The following RGS7 variants were observed in gnomAD, a reference collection of about 807,000 sequenced individuals.
RGS7 encodes regulator of G-protein signaling 7.
A neutral mutation model predicts 81.1 loss-of-function variants in RGS7; 27 were observed. That is an observed-to-expected ratio of 0.33 (90% CI 0.25 to 0.46). The LOEUF (loss-of-function observed/expected upper bound fraction) is 0.46, where lower values mean the gene tolerates loss of function less well. Ranked by LOEUF, RGS7 falls within the 20% of genes least tolerant of loss-of-function variation. The pLI, the probability that RGS7 is intolerant of heterozygous loss-of-function variation, is 1.00. For synonymous variants in RGS7, 208 were observed against 207.7 expected, an observed-to-expected ratio of 1.00 and a Z score of -0.01; for missense variants, 396 against 607.4, an observed-to-expected ratio of 0.65 and a Z score of 3.66.
chr1:241,100,041 G>GT (rs2064601453), intron 2 of RGS7, among the ~76,000 whole-genome samples: 1 of 150,988 alleles, frequency 6.6e-6, no homozygotes, highest in Non-Finnish European at 1.5e-5. Flanking sequence ...AAAGTAAACA[G>GT]TTAAAAAAAA....
At chr1:241,005,260 G>A (rs2058625066) in intron 3 of RGS7, among the ~76,000 whole-genome samples, 2 of 152,174 alleles carry the variant, frequency 1.3e-5, no homozygotes, top group South Asian at 2.1e-4. Flanking sequence ...ATTTGACAGA[G>A]GGATAATTTA....
intron 2 of RGS7, among the ~76,000 whole-genome samples, chr1:241,107,015 G>A (rs1305220375): frequency 6.6e-6 from 1 of 152,026 alleles, no homozygotes. Flanking sequence ...GATTACTTGG[G>A]TTGACAGAAT....
intron 4 of RGS7, among the ~76,000 whole-genome samples, chr1:240,971,111 A>G (rs569664379): frequency 4.8e-4 from 73 of 152,358 alleles, no homozygotes; most frequent in African/African-American, 1.7e-3. Context: ...ATGAGGGCAC[A>G]GCCCTTATGA....
chr1:241,296,343 C>T (rs1456163898), intron 2 of RGS7, among the ~76,000 whole-genome samples: 1 of 152,086 alleles, frequency 6.6e-6, no homozygotes. Flanking sequence ...GAAACAAACA[C>T]CAACAAGAGA....
At chr1:241,070,629 T>C (rs1014260666) in intron 3 of RGS7, among the ~76,000 whole-genome samples, 1 of 152,172 alleles carries the variant, frequency 6.6e-6, no homozygotes, top group East Asian at 1.9e-4. Flanking sequence ...ATGGCTACAC[T>C]ACACTGCAGG....
chr1:241,196,774 T>C (rs760402031), intron 2 of RGS7, among the ~76,000 whole-genome samples: 6 of 151,942 alleles, frequency 3.9e-5, no homozygotes, highest in Non-Finnish European at 8.8e-5. Flanking sequence ...GAACATAAAT[T>C]AGAGTATGGG....
At chr1:240,839,657 T>G (rs932415613) in intron 9 of RGS7, among the ~76,000 whole-genome samples, 2 of 152,072 alleles carry the variant, frequency 1.3e-5, no homozygotes, top group Admixed American at 6.5e-5. Context: ...TTAACTGAGG[T>G]GAAGGGCAGC....
chr1:241,118,694 T>C (rs2066037721), intron 2 of RGS7, among the ~76,000 whole-genome samples: 2 of 152,158 alleles, frequency 1.3e-5, no homozygotes, highest in Non-Finnish European at 2.9e-5. Flanking sequence ...ATAAACACCA[T>C]GGAATACTAC....
chr1:240,793,758 C>T (rs150794863), intron 18 of RGS7, among the ~76,000 whole-genome samples: 6,281 of 150,928 alleles, frequency 0.042, 141 homozygotes, highest in East Asian at 0.11. Flanking sequence ...TACAGGTGTC[C>T]GCCACCATGG....
intron 2 of RGS7, among the ~76,000 whole-genome samples, chr1:241,327,069 G>GGGGGGGA (rs2081585208): frequency 5.0e-5 from 1 of 19,952 alleles, no homozygotes; most frequent in Non-Finnish European, 9.0e-5. Flanking sequence ...AAGAAGGAAG[G>GGGGGGGA]AAGGAAGGAA....
At chr1:240,807,337 T>G (rs537709622) in intron 14 of RGS7, among the ~76,000 whole-genome samples, 24 of 152,314 alleles carry the variant, frequency 1.6e-4, no homozygotes, top group South Asian at 4.1e-4. Context: ...CTGCTAGGAC[T>G]GTGTTATCCT....
intron 7 of RGS7, 83 bp downstream of exon 7, chr1:240,869,972 T>G: frequency 9.0e-7 from 1 of 1,113,252 alleles, no homozygotes; most frequent in Admixed American, 1.7e-5. Flanking sequence ...GAATGAAGAG[T>G]TAACATCCTG....
intron 10 of RGS7, chr1:240,823,479 G>A (rs1184624644): frequency 1.9e-5 from 4 of 205,294 alleles, no homozygotes; most frequent in Non-Finnish European, 4.0e-5. Flanking sequence ...CCGGGTCCGC[G>A]CGTTCTACGG....
chr1:241,034,452 G>C (rs1350669858), intron 3 of RGS7, among the ~76,000 whole-genome samples: 1 of 152,148 alleles, frequency 6.6e-6, no homozygotes, highest in East Asian at 1.9e-4. Flanking sequence ...ACTGAATAAA[G>C]CAAGAGGCTT....
chr1:241,336,781 AT>A (rs2082270043), intron 2 of RGS7, among the ~76,000 whole-genome samples: 2 of 152,236 alleles, frequency 1.3e-5, no homozygotes, highest in African/African-American at 4.8e-5. Flanking sequence ...ACATTTTAAC[AT>A]TTATGAAACA....
chr1:240,809,295 A>T (rs1050153819), intron 14 of RGS7, among the ~76,000 whole-genome samples: 1 of 152,074 alleles, frequency 6.6e-6, no homozygotes, highest in African/African-American at 2.4e-5. Context: ...AGTGCTTCTT[A>T]TTTTTTTCCT....
chr1:241,306,128 T>TCA (rs3052437), intron 2 of RGS7, among the ~76,000 whole-genome samples: 45,833 of 149,622 alleles, frequency 0.31, 7,315 homozygotes, highest in East Asian at 0.58. Flanking sequence ...CATCTCTTTT[T>TCA]CACACACACA....
intron 2 of RGS7, among the ~76,000 whole-genome samples, chr1:241,122,620 G>A (rs761854259): frequency 7.4e-5 from 11 of 148,822 alleles, no homozygotes; most frequent in East Asian, 3.9e-4. Context: ...CTGAGATCGC[G>A]CCATTGCACT....
intron 2 of RGS7, among the ~76,000 whole-genome samples, chr1:241,160,595 G>A (rs1318552655): frequency 6.6e-6 from 1 of 152,130 alleles, no homozygotes; most frequent in East Asian, 1.9e-4. Flanking sequence ...TTTGGATTTT[G>A]TAACTTTCAT....
Sources: allele counts gnomAD v4.1 joint callset (sites outside exome capture counted in the v4.1 genomes callset), GRCh38; gene constraint gnomAD v4.1.1; transcripts MANE v1.5; gene names NCBI Gene and HGNC (gene_info 2026-07-23, HGNC 2026-07-21).